The following STX5 variants were observed in gnomAD, a reference collection of about 807,000 sequenced individuals.
STX5 encodes syntaxin-5.
In STX5, 15 loss-of-function variants were observed where a neutral mutation model predicts 42.9. The observed-to-expected ratio is 0.35, with a 90% CI of 0.23 to 0.54. The LOEUF (loss-of-function observed/expected upper bound fraction) is 0.54, where lower values mean the gene tolerates loss of function less well. Among genes scored for constraint, STX5 ranks in the 20% least tolerant of loss-of-function variants. The pLI is 0.91. For missense variants in STX5, 430 were observed against 455.0 expected (o/e 0.95, Z 0.50); for synonymous variants, 184 against 173.2 (o/e 1.06, Z -0.49).
At chr11:62,825,564 C>G (rs1434850549) in intron 5 of STX5, 25 bp from the exon 6 acceptor site, 1 of 1,605,588 alleles carries the variant, frequency 6.2e-7, no homozygotes, top group South Asian at 1.1e-5. Context: ...CAAGGAAAAA[C>G]AAAGTATTAG....
chr11:62,822,790 GTC>G (rs1250917564), intron 10 of STX5, among the ~76,000 whole-genome samples: 2 of 142,308 alleles, frequency 1.4e-5, no homozygotes, highest in African/African-American at 5.3e-5. Flanking sequence ...CAAGGATTTT[GTC>G]TCTTTTGTCC....
chr11:62,817,926 A>G (rs1156739044), intron 10 of STX5, among the ~76,000 whole-genome samples: 3 of 152,292 alleles, frequency 2.0e-5, no homozygotes, highest in East Asian at 3.9e-4. Context: ...AAAAATGTTT[A>G]AAGTAATAAT....
intron 10 of STX5, among the ~76,000 whole-genome samples, chr11:62,809,287 C>CAAAA (rs1174325165): frequency 3.2e-5 from 2 of 62,124 alleles, no homozygotes; most frequent in African/African-American, 5.8e-5. Context: ...GACTCCGTCT[C>CAAAA]AAAAAAAAAA....
At chr11:62,813,621 G>A (rs995029138) in intron 10 of STX5, among the ~76,000 whole-genome samples, 6 of 152,156 alleles carry the variant, frequency 3.9e-5, no homozygotes, top group African/African-American at 1.2e-4. Context: ...GATCAACAAC[G>A]TAGAGTAAAA....
At chr11:62,820,711 C>T (rs1590970060) in intron 10 of STX5, among the ~76,000 whole-genome samples, 1 of 151,426 alleles carries the variant, frequency 6.6e-6, no homozygotes, top group South Asian at 2.1e-4. Context: ...GGGGTTTCAC[C>T]ATGTTAGCCA....
intron 10 of STX5, among the ~76,000 whole-genome samples, chr11:62,821,905 A>T (rs918235017): frequency 6.6e-6 from 1 of 152,054 alleles, no homozygotes; most frequent in African/African-American, 2.4e-5. Context: ...ACGCACTTGC[A>T]GTCCCAGCTA....
At chr11:62,819,401 A>T in intron 10 of STX5, among the ~76,000 whole-genome samples, 1 of 151,936 alleles carries the variant, frequency 6.6e-6, no homozygotes, top group African/African-American at 2.4e-5. Context: ...TAAAGGGAAG[A>T]GATACCAGTG....
intron 10 of STX5, among the ~76,000 whole-genome samples, chr11:62,811,368 G>A (rs1326102096): frequency 1.3e-5 from 2 of 152,058 alleles, no homozygotes; most frequent in Non-Finnish European, 2.9e-5. Flanking sequence ...GCATCAATCC[G>A]CTTGCTTCTT....
chr11:62,831,791 G>A (rs1416185624), intron 1 of STX5, among the ~76,000 whole-genome samples, 163 bp downstream of exon 1: 2 of 149,966 alleles, frequency 1.3e-5, no homozygotes, highest in Admixed American at 1.3e-4. Context: ...TCTCAACAGA[G>A]GCTTTCCTGA....
At chr11:62,817,266 T>A (rs2084684228) in intron 10 of STX5, among the ~76,000 whole-genome samples, 1 of 152,112 alleles carries the variant, frequency 6.6e-6, no homozygotes, top group Non-Finnish European at 1.5e-5. Context: ...GAGCTTTTGC[T>A]TCCATCCCTC....
At chr11:62,822,326 G>C (rs1196830093) in intron 10 of STX5, among the ~76,000 whole-genome samples, 2 of 152,142 alleles carry the variant, frequency 1.3e-5, no homozygotes, top group Non-Finnish European at 2.9e-5. Context: ...TCATGCCACT[G>C]CACTCCAGCC....
chr11:62,821,803 G>A (rs1035626335), intron 10 of STX5, among the ~76,000 whole-genome samples: 2 of 151,860 alleles, frequency 1.3e-5, no homozygotes, highest in African/African-American at 4.8e-5. Context: ...TGAAGTGGGC[G>A]GATCATGACA....
Position 62,825,532 on chromosome 11 carries a change from T to C in STX5, c.431A>G (p.Asn144Ser), listed in dbSNP as rs1409658346. 18 of 1,613,436 alleles carry C rather than the reference T, an allele frequency of 1.1e-5. No individual in the cohort carries two copies. Among genetic ancestry groups the C allele is most frequent in the Non-Finnish European group, 1.4e-5 (17 of 1,180,036 alleles). The change falls in exon 6 of 11, where the codon AAT becomes AGT. Residue 144 changes from asparagine (N) to serine (S), a missense_variant. Asn to Ser is a conservative substitution (Grantham distance 46). Coordinates refer to ENST00000294179, the MANE Select transcript of STX5 (RefSeq NM_003164.5). ...ELTYIIKQDI[N>S]SLNKQIAQLQ... is the part of the protein sequence containing the mutation. ...CTGAGCAATTTGTTTGTTGAGGCTA[T>C]TGATGTCCTGGTAAAAGAGTCCAAG...
intron 8 of STX5, 91 bp downstream of exon 8, chr11:62,824,945 C>T: frequency 3.7e-6 from 5 of 1,348,050 alleles, no homozygotes; most frequent in Non-Finnish European, 5.2e-6. Context: ...ACCTTCCACT[C>T]TCCTACCCAA....
Position 62,825,499 on chromosome 11 carries a change from T to C in STX5, c.464A>G (p.Asp155Gly). 1 of 1,613,922 alleles carries C rather than the reference T, an allele frequency of 6.2e-7. No individual in the cohort carries two copies. The highest frequency in any genetic ancestry group is 8.5e-7 in the Non-Finnish European group (1 of 1,180,036). Residue 155 changes from aspartate to glycine, a missense_variant, in exon 6 of 11, where the codon GAT (aspartate) becomes GGT (glycine). Physicochemically the swap from Asp to Gly is moderately conservative, Grantham distance 94 (BLOSUM62 -1). Coordinates refer to ENST00000294179, the MANE Select transcript of STX5 (RefSeq NM_003164.5). ...CTGGCTGCCCTTGGCTCTCACGAAATCCTGGAGCTGAGCAATTTGTTTGTT... is the reference window on the plus strand; with the variant it reads ...CTGGCTGCCCTTGGCTCTCACGAAACCCTGGAGCTGAGCAATTTGTTTGTT... ...SLNKQIAQLQ[D>G]FVRAKGSQSG...
chr11:62,818,146 G>A (rs2134828674), intron 10 of STX5, among the ~76,000 whole-genome samples: 1 of 150,956 alleles, frequency 6.6e-6, no homozygotes, highest in African/African-American at 2.4e-5. Flanking sequence ...TCAGGAGGCT[G>A]AGGCAGGAGA....
At chr11:62,829,365 A>C (rs945518594) in intron 2 of STX5, among the ~76,000 whole-genome samples, 2 of 152,050 alleles carry the variant, frequency 1.3e-5, no homozygotes, top group Non-Finnish European at 2.9e-5. Flanking sequence ...CGGAGGTTGC[A>C]GTGAGCTAAG....
intron 10 of STX5, among the ~76,000 whole-genome samples, chr11:62,809,673 CAAAAAAAAAAAAAA>C (rs749188946): frequency 0.03 from 584 of 19,202 alleles, 22 homozygotes; most frequent in African/African-American, 0.069. Flanking sequence ...GACTCTGTCT[CAAAAAAAAAAAAAA>C]AAAAAAAAAA....
intron 10 of STX5, 177 bp downstream of exon 10, chr11:62,823,989 T>G: frequency 1.1e-6 from 1 of 944,656 alleles, no homozygotes; most frequent in Non-Finnish European, 1.6e-6. Context: ...GTGCCTCACA[T>G]GAACAGGTGC....
Sources: gnomAD v4.1 joint callset for allele counts (sites outside exome capture counted in the v4.1 genomes callset) on GRCh38, gnomAD v4.1.1 for gene constraint, MANE v1.5 for transcripts, NCBI Gene and HGNC (gene_info 2026-07-23, HGNC 2026-07-21) for gene names.